TSHZ2: variants seen among roughly 807,000 people sequenced by gnomAD.
TSHZ2 encodes teashirt zinc finger homeobox 2.
A neutral mutation model predicts 74.4 loss-of-function variants in TSHZ2; 21 were observed. The ratio of observed to expected loss-of-function variants is 0.28; its 90% CI spans 0.20 to 0.41. The LOEUF is 0.41. TSHZ2 is among the 10% of genes least tolerant of loss of function. TSHZ2 has a pLI of 1.00. For missense variants in TSHZ2, 1,244 were observed against 1,293.5 expected (o/e 0.96, Z 0.59); for synonymous variants, 540 against 515.3 (o/e 1.05, Z -0.65).
intron 2 of TSHZ2, among the ~76,000 whole-genome samples, chr20:53,461,144 C>A (rs1292979157): frequency 6.6e-6 from 1 of 152,076 alleles, no homozygotes; most frequent in Non-Finnish European, 1.5e-5. Flanking sequence ...CCCAGCCTCG[C>A]TGCCGCCTTG....
At chr20:53,001,205 CGT>C (rs558621179) in intron 1 of TSHZ2, among the ~76,000 whole-genome samples, 23,981 of 93,766 alleles carry the variant, frequency 0.26, 1,927 homozygotes, top group Admixed American at 0.35. Flanking sequence ...CGTTCATGTG[CGT>C]GTGTGTGTGT....
At chr20:53,385,661 G>T (rs1242262900) in intron 2 of TSHZ2, among the ~76,000 whole-genome samples, 1 of 152,114 alleles carries the variant, frequency 6.6e-6, no homozygotes, top group Non-Finnish European at 1.5e-5. Context: ...TTAACCCAGG[G>T]TTCCCAAGCC....
chr20:53,085,600 T>C (rs569529208), intron 1 of TSHZ2, among the ~76,000 whole-genome samples: 9 of 152,332 alleles, frequency 5.9e-5, no homozygotes, highest in Admixed American at 2.0e-4. Context: ...TCAATTACTT[T>C]GTATGCATTG....
chr20:53,343,496 T>A (rs1980305221), intron 2 of TSHZ2, among the ~76,000 whole-genome samples: 1 of 152,190 alleles, frequency 6.6e-6, no homozygotes. Context: ...GGCACTAACA[T>A]TCCGGACGAC....
chr20:53,285,012 G>A (rs777908133), intron 2 of TSHZ2, among the ~76,000 whole-genome samples: 12 of 152,136 alleles, frequency 7.9e-5, no homozygotes, highest in Non-Finnish European at 1.5e-4. Context: ...CCAGCTCCAC[G>A]TTCTGAAGCT....
At chr20:53,405,362 A>G (rs1982811737) in intron 2 of TSHZ2, among the ~76,000 whole-genome samples, 1 of 152,138 alleles carries the variant, frequency 6.6e-6, no homozygotes, top group Non-Finnish European at 1.5e-5. Flanking sequence ...ATGATGATCT[A>G]TTAGGATTGT....
chr20:53,475,948 G>A (rs1396584053), intron 2 of TSHZ2, among the ~76,000 whole-genome samples: 1 of 123,404 alleles, frequency 8.1e-6, no homozygotes, highest in Non-Finnish European at 1.7e-5. Flanking sequence ...ACTCTCCCAA[G>A]ACTAAACCAG....
intron 1 of TSHZ2, among the ~76,000 whole-genome samples, chr20:53,050,118 TATATATAC>T (rs1194382197): frequency 2.1e-5 from 2 of 96,924 alleles, no homozygotes; most frequent in South Asian, 3.6e-4. Flanking sequence ...TATATATATA[TATATATAC>T]ACATATATAT....
intron 2 of TSHZ2, among the ~76,000 whole-genome samples, chr20:53,469,550 A>G (rs910268782): frequency 2.6e-5 from 3 of 113,892 alleles, no homozygotes; most frequent in South Asian, 3.3e-4. Context: ...GAAAAGAAAG[A>G]AGGAGGGAAG....
intron 2 of TSHZ2, among the ~76,000 whole-genome samples, chr20:53,300,663 T>G (rs1991461987): frequency 6.6e-6 from 1 of 152,126 alleles, no homozygotes; most frequent in African/African-American, 2.4e-5. Flanking sequence ...TTTTGGTGAG[T>G]GAATGGATAT....
chr20:53,299,610 A>G (rs1991441873), intron 2 of TSHZ2, among the ~76,000 whole-genome samples: 1 of 152,224 alleles, frequency 6.6e-6, no homozygotes, highest in Non-Finnish European at 1.5e-5. Context: ...CAATTGCTAA[A>G]TAATTAGTCA....
chr20:53,180,493 C>T (rs1475930174), intron 1 of TSHZ2, among the ~76,000 whole-genome samples: 1 of 152,158 alleles, frequency 6.6e-6, no homozygotes, highest in East Asian at 1.9e-4. Context: ...GGGTGAGATA[C>T]AGGTTTATGC....
chr20:53,015,341 G>T (rs1001362859), intron 1 of TSHZ2, among the ~76,000 whole-genome samples: 1 of 152,142 alleles, frequency 6.6e-6, no homozygotes, highest in African/African-American at 2.4e-5. Context: ...GGGACCATTT[G>T]CATCCCAGAG....
chr20:53,365,220 C>A (rs1981214196), intron 2 of TSHZ2, among the ~76,000 whole-genome samples: 1 of 152,168 alleles, frequency 6.6e-6, no homozygotes, highest in Admixed American at 6.5e-5. Context: ...GATGGTTGGG[C>A]AAAAATGATT....
At chr20:53,001,240 G>GTGTGTGTGTGTA (rs1568713614) in intron 1 of TSHZ2, among the ~76,000 whole-genome samples, 1 of 149,776 alleles carries the variant, frequency 6.7e-6, no homozygotes, top group Non-Finnish European at 1.5e-5. Context: ...GTGTGTGTGT[G>GTGTGTGTGTGTA]TGTGTGTGTG....
chr20:53,418,919 A>G (rs182389609), intron 2 of TSHZ2, among the ~76,000 whole-genome samples: 1 of 151,884 alleles, frequency 6.6e-6, no homozygotes, highest in African/African-American at 2.4e-5. Flanking sequence ...CCTCTGACTA[A>G]CTCCTCTAAA....
intron 2 of TSHZ2, among the ~76,000 whole-genome samples, chr20:53,419,117 A>G (rs1234272784): frequency 6.6e-6 from 1 of 152,234 alleles, no homozygotes; most frequent in East Asian, 1.9e-4. Context: ...AGAGGAAAAA[A>G]GCAACTGTCT....
At chr20:53,284,131 C>A (rs1991118222) in intron 2 of TSHZ2, among the ~76,000 whole-genome samples, 1 of 152,196 alleles carries the variant, frequency 6.6e-6, no homozygotes, top group African/African-American at 2.4e-5. Context: ...AGTTTTACCG[C>A]CTCGAACAAC....
chr20:53,142,326 GT>G (rs1987422224), intron 1 of TSHZ2, among the ~76,000 whole-genome samples: 1 of 152,180 alleles, frequency 6.6e-6, no homozygotes, highest in Non-Finnish European at 1.5e-5. Flanking sequence ...AGGGCTTCCG[GT>G]TCAGACCGGA....
Sources: allele counts gnomAD v4.1 joint callset (sites outside exome capture counted in the v4.1 genomes callset), GRCh38; gene constraint gnomAD v4.1.1; transcripts MANE v1.5; gene names NCBI Gene and HGNC (gene_info 2026-07-23, HGNC 2026-07-21).